CTNNA2: variants seen among roughly 807,000 people sequenced by gnomAD.
CTNNA2 encodes the protein catenin alpha-2.
Under a neutral mutation model 101.0 loss-of-function variants are expected in CTNNA2, and 42 were observed. The observed-to-expected ratio is 0.42, with a 90% CI of 0.32 to 0.54. The LOEUF (loss-of-function observed/expected upper bound fraction) is 0.54. CTNNA2 is among the 20% of genes least tolerant of loss of function. The pLI is 0.14. For synonymous variants in CTNNA2, 450 were observed against 456.4 expected (o/e 0.99, Z 0.18); for missense variants, 871 against 1,223.1 (o/e 0.71, Z 4.29).
intron 8 of CTNNA2, among the ~76,000 whole-genome samples, chr2:80,398,487 G>A (rs1369988819): frequency 1.3e-5 from 2 of 152,046 alleles, no homozygotes; most frequent in Admixed American, 6.6e-5. Flanking sequence ...TGGAAACATG[G>A]AGATCAGAAA....
chr2:79,286,016 C>A (rs1462136117), intron 2 of CTNNA2, among the ~76,000 whole-genome samples: 1 of 150,482 alleles, frequency 6.6e-6, no homozygotes, highest in Non-Finnish European at 1.5e-5. Flanking sequence ...TAATGGCCTT[C>A]TTTGTCTCTT....
chr2:79,699,914 G>A (rs1684893547), intron 2 of CTNNA2, among the ~76,000 whole-genome samples: 1 of 147,120 alleles, frequency 6.8e-6, no homozygotes, highest in Admixed American at 6.8e-5. Context: ...ACCTATGTGT[G>A]TATATATGTA....
chr2:79,961,359 A>G (rs1490261300), intron 7 of CTNNA2, among the ~76,000 whole-genome samples: 1 of 152,064 alleles, frequency 6.6e-6, no homozygotes, highest in African/African-American at 2.4e-5. Context: ...TCACTCTATC[A>G]CCCAGTGCTT....
intron 2 of CTNNA2, among the ~76,000 whole-genome samples, chr2:79,258,999 G>A (rs527636864): frequency 2.0e-5 from 3 of 151,998 alleles, no homozygotes; most frequent in Admixed American, 6.5e-5. Context: ...GGTGTGAAAC[G>A]CATGACCCTA....
chr2:80,383,221 T>C (rs1676678506), intron 7 of CTNNA2, among the ~76,000 whole-genome samples: 1 of 152,208 alleles, frequency 6.6e-6, no homozygotes, highest in Admixed American at 6.5e-5. Context: ...CTTACACAGG[T>C]GCCAACTACT....
At chr2:80,331,225 G>A (rs551582937) in intron 7 of CTNNA2, among the ~76,000 whole-genome samples, 2 of 152,238 alleles carry the variant, frequency 1.3e-5, no homozygotes, top group East Asian at 1.9e-4. Flanking sequence ...TTAGGTATTC[G>A]TTATCACATC....
At chr2:79,626,562 G>A (rs1422662376) in intron 1 of CTNNA2, among the ~76,000 whole-genome samples, 1 of 151,762 alleles carries the variant, frequency 6.6e-6, no homozygotes, top group East Asian at 1.9e-4. Context: ...CACTAGGAAT[G>A]GCAAGATGGT....
chr2:79,951,168 G>A (rs550739940), intron 7 of CTNNA2, among the ~76,000 whole-genome samples: 1 of 152,240 alleles, frequency 6.6e-6, no homozygotes, highest in South Asian at 2.1e-4. Context: ...CACAAACAAT[G>A]TAAAGTCTAT....
At chr2:80,245,778 T>C (rs1671271516) in intron 7 of CTNNA2, among the ~76,000 whole-genome samples, 1 of 149,888 alleles carries the variant, frequency 6.7e-6, no homozygotes, top group African/African-American at 2.5e-5. Flanking sequence ...CATTTAAAAC[T>C]GTGATTATGA....
chr2:79,932,160 C>T (rs1687490430), intron 7 of CTNNA2, among the ~76,000 whole-genome samples: 1 of 152,172 alleles, frequency 6.6e-6, no homozygotes, highest in South Asian at 2.1e-4. Flanking sequence ...TACACCCAGA[C>T]TGCAGAACCT....
At chr2:79,794,470 A>G (rs767224638) in intron 3 of CTNNA2, among the ~76,000 whole-genome samples, 9 of 152,216 alleles carry the variant, frequency 5.9e-5, no homozygotes, top group Non-Finnish European at 8.8e-5. Flanking sequence ...CTCTGGGATA[A>G]GTAAACATCT....
intron 8 of CTNNA2, among the ~76,000 whole-genome samples, chr2:80,414,374 A>G (rs1030773907): frequency 6.6e-6 from 1 of 152,168 alleles, no homozygotes; most frequent in African/African-American, 2.4e-5. Flanking sequence ...ATTATTTCTT[A>G]TAAATGTATC....
intron 1 of CTNNA2, among the ~76,000 whole-genome samples, chr2:79,584,999 A>T (rs146052637): frequency 6.6e-6 from 1 of 152,306 alleles, no homozygotes; most frequent in African/African-American, 2.4e-5. Flanking sequence ...GAGAACACGC[A>T]GTTTTTCCTA....
intron 7 of CTNNA2, among the ~76,000 whole-genome samples, chr2:80,046,552 C>T (rs1696539143): frequency 6.6e-6 from 1 of 152,004 alleles, no homozygotes; most frequent in Non-Finnish European, 1.5e-5. Flanking sequence ...TTTTACAGAA[C>T]TCTATGTTCA....
At chr2:79,794,653 G>A (rs1348926849) in intron 3 of CTNNA2, among the ~76,000 whole-genome samples, 1 of 152,116 alleles carries the variant, frequency 6.6e-6, no homozygotes, top group Non-Finnish European at 1.5e-5. Flanking sequence ...TAGGTTCTAT[G>A]CTGTACAGTA....
At chr2:79,287,849 C>G (rs981249527) in intron 2 of CTNNA2, among the ~76,000 whole-genome samples, 2 of 152,200 alleles carry the variant, frequency 1.3e-5, no homozygotes, top group African/African-American at 4.8e-5. Flanking sequence ...CCCCCAGCCT[C>G]GCTGCCACCT....
At chr2:80,552,143 A>T (rs1157081407) in intron 11 of CTNNA2, among the ~76,000 whole-genome samples, 1 of 152,216 alleles carries the variant, frequency 6.6e-6, no homozygotes, top group African/African-American at 2.4e-5. Context: ...GCCCCAAAAC[A>T]ATTGCAATAG....
At chr2:79,817,523 T>G (rs1425635748) in intron 3 of CTNNA2, among the ~76,000 whole-genome samples, 1 of 151,974 alleles carries the variant, frequency 6.6e-6, no homozygotes, top group Non-Finnish European at 1.5e-5. Context: ...CTAACCACAT[T>G]GAACCATGTG....
At chr2:79,589,582 G>A (rs896201635) in intron 1 of CTNNA2, among the ~76,000 whole-genome samples, 1 of 152,048 alleles carries the variant, frequency 6.6e-6, no homozygotes, top group African/African-American at 2.4e-5. Context: ...AACATGAGAA[G>A]TTGGAAAGTA....
Sources: allele counts gnomAD v4.1 joint callset (sites outside exome capture counted in the v4.1 genomes callset), GRCh38; gene constraint gnomAD v4.1.1; transcripts MANE v1.5; gene names NCBI Gene and HGNC (gene_info 2026-07-23, HGNC 2026-07-21).